The following VAPA variants were observed in gnomAD, a reference collection of about 807,000 sequenced individuals.
VAPA encodes the protein vesicle-associated membrane protein-associated protein A.
VAPA carries 6 observed loss-of-function variants against 25.6 expected under a neutral mutation model. The observed-to-expected ratio is 0.23, with a 90% CI of 0.13 to 0.46. The LOEUF (loss-of-function observed/expected upper bound fraction) is 0.46. VAPA is among the 20% of genes least tolerant of loss of function. The probability of loss-of-function intolerance (pLI) is 0.99; values close to 1 mark genes in which losing one functional copy is unlikely to be tolerated. For synonymous variants in VAPA, 112 were observed against 106.2 expected, an observed-to-expected ratio of 1.05 and a Z score of -0.34; for missense variants, 244 against 302.1, an observed-to-expected ratio of 0.81 and a Z score of 1.43.
chr18:9,930,764 C>T (rs535625324), intron 1 of VAPA, among the ~76,000 whole-genome samples: 2 of 151,642 alleles, frequency 1.3e-5, no homozygotes, highest in South Asian at 4.2e-4. Flanking sequence ...GGTTCTCTGC[C>T]TTTCTATGCT....
At chr18:9,934,489 C>A (rs180825945) in intron 2 of VAPA, among the ~76,000 whole-genome samples, 1 of 152,324 alleles carries the variant, frequency 6.6e-6, no homozygotes, top group Admixed American at 6.5e-5. Flanking sequence ...ACATTTCCTG[C>A]TGCTGTGTAT....
chr18:9,914,531 C>G (rs907038639), intron 1 of VAPA, 196 bp downstream of exon 1: 45 of 311,646 alleles, frequency 1.4e-4, no homozygotes, highest in Admixed American at 5.2e-4. Flanking sequence ...CCCGCTTCAT[C>G]CCCTCCCGCC....
chr18:9,916,713 C>G (rs1165883335), intron 1 of VAPA, among the ~76,000 whole-genome samples: 2 of 152,166 alleles, frequency 1.3e-5, no homozygotes, highest in African/African-American at 4.8e-5. Context: ...GTACAGTCTA[C>G]TTGGGCTTAG....
chr18:9,927,958 AT>A (rs958040711), intron 1 of VAPA, among the ~76,000 whole-genome samples: 1 of 152,052 alleles, frequency 6.6e-6, no homozygotes, highest in African/African-American at 2.4e-5. Context: ...TTAATTGTAG[AT>A]TTTTTTCAAT....
intron 5 of VAPA, among the ~76,000 whole-genome samples, chr18:9,953,162 T>C (rs1020726773): frequency 6.6e-6 from 1 of 152,230 alleles, no homozygotes; most frequent in Admixed American, 6.5e-5. Context: ...TGACTTCTGC[T>C]TTCTTCTGAG....
chr18:9,940,675 A>G (rs1045202296), intron 4 of VAPA, among the ~76,000 whole-genome samples: 5 of 152,222 alleles, frequency 3.3e-5, no homozygotes, highest in Admixed American at 6.5e-5. Flanking sequence ...GGGTACTTCT[A>G]TGAACCAGCT....
intron 4 of VAPA, among the ~76,000 whole-genome samples, chr18:9,937,564 T>G (rs938941485): frequency 6.6e-6 from 1 of 152,202 alleles, no homozygotes; most frequent in African/African-American, 2.4e-5. Context: ...GCTTACTCAT[T>G]AGTGTAAGTC....
chr18:9,943,754 G>A (rs545456506), intron 4 of VAPA, among the ~76,000 whole-genome samples: 167 of 149,758 alleles, frequency 1.1e-3, no homozygotes, highest in African/African-American at 3.8e-3. Flanking sequence ...AATTTTTGAG[G>A]CCTTAACTCT....
chr18:9,915,767 T>C (rs1189432676), intron 1 of VAPA: 2 of 152,248 alleles, frequency 1.3e-5, no homozygotes, highest in East Asian at 3.8e-4. Context: ...TTGCAAGCTT[T>C]TTAGTGCGTT....
chr18:9,950,274 C>G, intron 4 of VAPA, 121 bp from the exon 5 acceptor site: 1 of 1,016,570 alleles, frequency 9.8e-7, no homozygotes, highest in Non-Finnish European at 1.4e-6. Flanking sequence ...CTGACATGTA[C>G]TGATTTAGGC....
intron 1 of VAPA, among the ~76,000 whole-genome samples, chr18:9,927,020 GTGTTTTC>G (rs1273821808): frequency 2.0e-5 from 3 of 152,018 alleles, no homozygotes; most frequent in Non-Finnish European, 4.4e-5. Flanking sequence ...CATTTTAGAA[GTGTTTTC>G]TGTTTTCTGA....
intron 4 of VAPA, among the ~76,000 whole-genome samples, chr18:9,945,914 C>G (rs1482488459): frequency 6.6e-6 from 1 of 152,118 alleles, no homozygotes; most frequent in East Asian, 1.9e-4. Flanking sequence ...AATTTTGCCT[C>G]TCTCGGTTTA....
intron 2 of VAPA, among the ~76,000 whole-genome samples, chr18:9,934,889 T>C (rs1314735014): frequency 1.3e-5 from 2 of 151,510 alleles, no homozygotes; most frequent in African/African-American, 4.9e-5. Flanking sequence ...GGTCAGGAGA[T>C]CGAGACCATC....
intron 1 of VAPA, among the ~76,000 whole-genome samples, chr18:9,917,546 G>A (rs534624913): frequency 6.6e-6 from 1 of 152,326 alleles, no homozygotes; most frequent in African/African-American, 2.4e-5. Context: ...CTCCCAAAGT[G>A]CTGGGATTAC....
chr18:9,937,380 A>G (rs908301120), intron 4 of VAPA, among the ~76,000 whole-genome samples: 4 of 152,196 alleles, frequency 2.6e-5, no homozygotes, highest in Admixed American at 6.5e-5. Flanking sequence ...ATGTGTATAC[A>G]TAATTTAAAA....
chr18:9,939,622 G>A (rs1449966826), intron 4 of VAPA, among the ~76,000 whole-genome samples: 1 of 150,628 alleles, frequency 6.6e-6, no homozygotes, highest in Non-Finnish European at 1.5e-5. Flanking sequence ...TCCTTGTGGT[G>A]CTATTTAACC....
At position 9,933,111 on chromosome 18, in the gene VAPA, T is replaced by TA. The variant is rs771128247; in HGVS notation, c.232+1162dup. 5.6e-3 allele frequency among the ~76,000 whole-genome samples: 758 copies of TA among 136,132 alleles called. 2 individuals are homozygous for TA. The highest frequency in any genetic ancestry group is 7.6e-3 in the Non-Finnish European group (470 of 62,164). 89.3% of individuals were successfully genotyped at this position (136,132 alleles called of 152,430 possible). A position where few individuals can be genotyped will look rare whatever the true frequency, so the allele number is the denominator to read the frequency against. On this transcript the variant is annotated intron_variant, in intron 2 of 5. Transcript: ENST00000400000. ...ACAAACAAACAAAAAAAGTGTACCT[T>TA]AAAAAAAAAAAAAGCCTGGGTGATC...
chr18:9,947,870 C>T (rs1042642071), intron 4 of VAPA: 1 of 152,240 alleles, frequency 6.6e-6, no homozygotes, highest in African/African-American at 2.4e-5. Flanking sequence ...AGCCCACCCT[C>T]CCATCACACT....
intron 4 of VAPA, among the ~76,000 whole-genome samples, chr18:9,940,476 G>A (rs1028454613): frequency 6.6e-6 from 1 of 152,156 alleles, no homozygotes; most frequent in Non-Finnish European, 1.5e-5. Context: ...CAAGGTAAGA[G>A]TGGAGGCCCA....
Sources: gnomAD v4.1 joint callset for allele counts (sites outside exome capture counted in the v4.1 genomes callset) on GRCh38, gnomAD v4.1.1 for gene constraint, MANE v1.5 for transcripts, NCBI Gene and HGNC (gene_info 2026-07-23, HGNC 2026-07-21) for gene names.